The following ACACB variants were observed in gnomAD, a reference collection of about 807,000 sequenced individuals.
ACACB encodes acetyl-CoA carboxylase beta.
In ACACB, 209 loss-of-function variants were observed where a neutral mutation model predicts 278.8. The ratio of observed to expected loss-of-function variants is 0.75; its 90% confidence interval spans 0.67 to 0.84. The LOEUF (loss-of-function observed/expected upper bound fraction) is 0.84, where lower values mean the gene tolerates loss of function less well. ACACB is among the 40% of genes least tolerant of loss of function. ACACB has a pLI of 0.00. For missense variants in ACACB, 2,850 were observed against 3,269.0 expected (o/e 0.87, Z 3.13); for synonymous variants, 1,174 against 1,285.6 (o/e 0.91, Z 1.86).
intron 1 of ACACB, among the ~76,000 whole-genome samples, chr12:109,133,163 A>C (rs2042873553): frequency 6.6e-6 from 1 of 152,184 alleles, no homozygotes; most frequent in South Asian, 2.1e-4. Flanking sequence ...AACAGGAATC[A>C]ATGTAAACAA....
chr12:109,209,375 C>T (rs780068784), intron 21 of ACACB, 22 bp downstream of exon 21: 4 of 1,594,212 alleles, frequency 2.5e-6, no homozygotes, highest in South Asian at 1.1e-5. Context: ...CCTGCCCAGC[C>T]CCACCCCACC....
Position 109,209,318 on chromosome 12 carries a change from A to G in ACACB, c.3214A>G (p.Ile1072Val), listed in dbSNP as rs141278003. 73 of 1,612,340 alleles carry G rather than the reference A, an allele frequency of 4.5e-5. No homozygotes were observed. The highest frequency in any genetic ancestry group is 6.0e-5 in the Non-Finnish European group (71 of 1,179,994). ...GGTGATGGCCCAGTATGCCAGCAAC[A>G]TCACCTCGGTGCTGTGCCAGTTCCC... ...RRVMAQYASN[I>V]TSVLCQFPSQ... Residue 1072 changes from isoleucine to valine, a missense_variant, in exon 21 of 53, where the codon ATC becomes GTC. Ile to Val is a conservative substitution (Grantham distance 29). Around this residue, in one of 3 missense-constraint regions of ACACB, gnomAD observed 2,265 missense variants for 2,561.3 expected, o/e 0.88. Transcript: ENST00000338432.
intron 42 of ACACB, 95 bp downstream of exon 42, chr12:109,252,251 T>C: frequency 1.2e-6 from 1 of 831,754 alleles, no homozygotes; most frequent in Non-Finnish European, 1.8e-6. Flanking sequence ...TTTCTCAATA[T>C]GAAGCCAGTT....
intron 3 of ACACB, 119 bp downstream of exon 3, chr12:109,167,112 AG>A: frequency 7.6e-7 from 1 of 1,308,738 alleles, no homozygotes; most frequent in Non-Finnish European, 1.1e-6. Context: ...AGAGGGGGTG[AG>A]GGCCACGCTC....
At chr12:109,252,220 A>G in intron 42 of ACACB, 64 bp downstream of exon 42, 1 of 1,142,360 alleles carries the variant, frequency 8.8e-7, no homozygotes, top group African/African-American at 1.6e-5. Flanking sequence ...TAACATTCCC[A>G]TTGGTCTCTG....
chr12:109,176,290 G>A (rs1308515672), intron 9 of ACACB, 27 bp downstream of exon 9: 13 of 1,586,666 alleles, frequency 8.2e-6, no homozygotes, highest in African/African-American at 1.3e-5. Context: ...GTGTCTTTTC[G>A]CATCTGTCTT....
rs17848813 is a variant in ACACB at position 109,206,718 on chromosome 12, G to A, written c.2922G>A (p.Pro974=). The change falls in exon 20 of 53, where the codon CCG becomes CCA. Residue 974 remains proline (P), a synonymous_variant. Transcript: ENST00000338432. The stretch of plus-strand genomic sequence containing the variant: ...TTGTGGTGTCTCATCAGGCTGAACC[G>A]TTCACAGGAGAACTCCCTGCCCAGC... ...DDPSKVHPAE[P]FTGELPAQQT... 3.1e-4 allele frequency: 502 copies of A among 1,613,858 alleles called. 5 individuals are homozygous for A. The highest frequency in any genetic ancestry group is 5.0e-4 in the Middle Eastern group (3 of 5,956).
intron 29 of ACACB, 73 bp downstream of exon 29, chr12:109,232,879 A>C: frequency 1.9e-6 from 3 of 1,569,688 alleles, no homozygotes; most frequent in Non-Finnish European, 1.7e-6. Context: ...TCCCCCCCCA[A>C]TTCACTGGAC....
chr12:109,140,042 C>T lies in ACACB; in HGVS notation c.637C>T (p.Arg213Cys), dbSNP rs747456016. The change falls in exon 2 of 53, where the codon CGC becomes TGC. Residue 213 changes from arginine to cysteine, a missense_variant. Arg to Cys is a radical substitution (Grantham distance 180). This residue lies in a region of ACACB where 2,265 missense variants were observed against 2,561.3 expected (regional missense o/e 0.88). Transcript: ENST00000338432. ...AYLTTGEAET[R>C]VPTMRPSMSG... ...TCTGACCACAGGTGAAGCTGAGACC[C>T]GCGTCCCCACTATGAGGTAATGTGC... The T allele has an allele frequency of 2.3e-5, 36 of 1,596,686 alleles. No homozygotes were observed. The highest frequency in any genetic ancestry group is 5.1e-5 in the Admixed American group (3 of 58,736).
intron 1 of ACACB, among the ~76,000 whole-genome samples, chr12:109,118,777 G>C (rs893640699): frequency 6.6e-6 from 1 of 152,162 alleles, no homozygotes; most frequent in Non-Finnish European, 1.5e-5. Context: ...CTTCAAAGTA[G>C]AGTTCACCTG....
chr12:109,242,974 A>G (rs1184952031), intron 37 of ACACB, among the ~76,000 whole-genome samples: 1 of 152,226 alleles, frequency 6.6e-6, no homozygotes, highest in East Asian at 1.9e-4. Flanking sequence ...TTCAAAAAAA[A>G]AGAACAAGGT....
chr12:109,191,514 A>G, intron 13 of ACACB, 99 bp from the exon 14 acceptor site: 9 of 1,490,812 alleles, frequency 6.0e-6, no homozygotes, highest in Non-Finnish European at 8.3e-6. Context: ...ACACCCGGCC[A>G]CTCCTGTGCT....
rs1416732454 is a variant in ACACB, at chr12:109,160,105, A to G, written c.654-6756A>G. Among the ~76,000 whole-genome samples the G allele has an allele frequency of 6.0e-5, 9 of 151,040 alleles. No individual in the cohort carries two copies. In the South Asian group the frequency reaches 1.3e-3, roughly 21 times the overall value. Reference sequence around the variant, plus strand: ...ACTCTGTCTCAAAAAAAAAAAAAAAACCAACCAACCAAACAAAAAACCTCA... The same window carrying G: ...ACTCTGTCTCAAAAAAAAAAAAAAAGCCAACCAACCAAACAAAAAACCTCA... On this transcript the variant is annotated intron_variant, in intron 2 of 52. Coordinates refer to ENST00000338432, the MANE Select transcript of ACACB (RefSeq NM_001093.4).
chr12:109,261,531 G>A (rs544095590), intron 48 of ACACB, among the ~76,000 whole-genome samples: 3 of 152,078 alleles, frequency 2.0e-5, no homozygotes, highest in Admixed American at 6.5e-5. Context: ...CTTCTAAGCT[G>A]TCAAAAGCAA....
intron 29 of ACACB, among the ~76,000 whole-genome samples, chr12:109,233,539 A>G (rs2046540521): frequency 6.6e-6 from 1 of 152,194 alleles, no homozygotes; most frequent in Admixed American, 6.5e-5. Context: ...ACTTAGGTTC[A>G]TTCTTCCCTT....
intron 48 of ACACB, among the ~76,000 whole-genome samples, chr12:109,260,903 C>CATTG (rs1225530961): frequency 6.6e-6 from 1 of 152,158 alleles, no homozygotes; most frequent in African/African-American, 2.4e-5. Context: ...TATGATGAGC[C>CATTG]ATTTATCTCT....
chr12:109,169,893 T>C (rs1291674222), intron 4 of ACACB, among the ~76,000 whole-genome samples: 4 of 152,206 alleles, frequency 2.6e-5, no homozygotes, highest in Admixed American at 1.3e-4. Context: ...TTGATAAACA[T>C]AGGAGGCAGG....
intron 2 of ACACB, among the ~76,000 whole-genome samples, chr12:109,161,495 A>G (rs2043720412): frequency 1.3e-5 from 2 of 152,184 alleles, no homozygotes; most frequent in African/African-American, 4.8e-5. Flanking sequence ...GAGAGCCGAG[A>G]TTATGCCACT....
chr12:109,204,821 CTGT>C (rs1322524594), intron 19 of ACACB, among the ~76,000 whole-genome samples: 1 of 152,146 alleles, frequency 6.6e-6, no homozygotes, highest in Non-Finnish European at 1.5e-5. Context: ...CTGCACATGA[CTGT>C]TGTTACAATT....
Sources: allele counts gnomAD v4.1 joint callset (sites outside exome capture counted in the v4.1 genomes callset), GRCh38; gene constraint gnomAD v4.1.1; regional missense constraint gnomAD v4.1.1; transcripts MANE v1.5; gene names NCBI Gene and HGNC (gene_info 2026-07-23, HGNC 2026-07-21).